KIAA0825: variants seen among roughly 807,000 people sequenced by gnomAD.
KIAA0825 encodes the protein uncharacterized protein KIAA0825.
A neutral mutation model predicts 147.6 loss-of-function variants in KIAA0825; 119 were observed. That is an observed-to-expected ratio of 0.81 (90% CI 0.69 to 0.94). The LOEUF (loss-of-function observed/expected upper bound fraction) is 0.94, where lower values mean the gene tolerates loss of function less well. Ranked by LOEUF, KIAA0825 falls within the 40% of genes least tolerant of loss-of-function variation. The pLI, the probability that KIAA0825 is intolerant of heterozygous loss-of-function variation, is 0.00. For missense variants in KIAA0825, 1,381 were observed against 1,472.7 expected (o/e 0.94, Z 1.02); for synonymous variants, 470 against 518.1 (o/e 0.91, Z 1.26).
chr5:94,426,317 C>T (rs1584459849), intron 14 of KIAA0825, among the ~76,000 whole-genome samples: 1 of 151,928 alleles, frequency 6.6e-6, no homozygotes, highest in East Asian at 1.9e-4. Flanking sequence ...AAGTGTCCAT[C>T]AAAAAATGAA....
chr5:94,340,044 T>C (rs1035320303), intron 20 of KIAA0825, among the ~76,000 whole-genome samples: 3 of 152,162 alleles, frequency 2.0e-5, no homozygotes, highest in African/African-American at 7.2e-5. Context: ...ACTATTCATA[T>C]TCTCCTTGAT....
At chr5:94,603,346 A>T (rs1461987393) in intron 1 of KIAA0825, among the ~76,000 whole-genome samples, 2 of 152,224 alleles carry the variant, frequency 1.3e-5, no homozygotes, top group Non-Finnish European at 2.9e-5. Context: ...ATGAAGGAGA[A>T]ATAAGATCAT....
chr5:94,319,959 T>C (rs1385272803), intron 20 of KIAA0825, among the ~76,000 whole-genome samples: 2 of 151,944 alleles, frequency 1.3e-5, no homozygotes, highest in Non-Finnish European at 2.9e-5. Context: ...GTCCTAAGGG[T>C]CTTCTTGTTC....
intron 20 of KIAA0825, among the ~76,000 whole-genome samples, chr5:94,353,818 G>A (rs369925050): frequency 1.3e-5 from 2 of 152,236 alleles, no homozygotes; most frequent in East Asian, 1.9e-4. Context: ...ATGAGGATAC[G>A]ATAATCAAAT....
chr5:94,373,897 CA>C (rs1308954651), intron 20 of KIAA0825, among the ~76,000 whole-genome samples: 2 of 152,016 alleles, frequency 1.3e-5, no homozygotes, highest in African/African-American at 4.8e-5. Flanking sequence ...GTTGCTATAG[CA>C]TCATAAGCAA....
chr5:94,241,386 G>A (rs575962674), intron 20 of KIAA0825, among the ~76,000 whole-genome samples: 1 of 152,104 alleles, frequency 6.6e-6, no homozygotes. Context: ...TTCACATCAC[G>A]ACAGGATCAA....
intron 7 of KIAA0825, among the ~76,000 whole-genome samples, chr5:94,475,639 C>A (rs755173532): frequency 2.0e-5 from 3 of 152,068 alleles, no homozygotes; most frequent in Non-Finnish European, 2.9e-5. Context: ...GAAACCCGGT[C>A]TCTACTGAAA....
At chr5:94,527,445 T>C (rs994687185) in intron 3 of KIAA0825, among the ~76,000 whole-genome samples, 5 of 152,056 alleles carry the variant, frequency 3.3e-5, no homozygotes, top group Non-Finnish European at 7.4e-5. Flanking sequence ...TTATGAGAAC[T>C]TTTTAAATAA....
intron 20 of KIAA0825, among the ~76,000 whole-genome samples, chr5:94,271,874 T>C (rs1777006492): frequency 6.6e-6 from 1 of 152,172 alleles, no homozygotes; most frequent in African/African-American, 2.4e-5. Flanking sequence ...CCCATGTTTA[T>C]TGCAGCATTA....
At chr5:94,443,097 C>T (rs1028398328) in intron 13 of KIAA0825, among the ~76,000 whole-genome samples, 2 of 152,118 alleles carry the variant, frequency 1.3e-5, no homozygotes, top group Non-Finnish European at 2.9e-5. Context: ...TGTTTGTTGA[C>T]ATGTACCTCA....
intron 20 of KIAA0825, among the ~76,000 whole-genome samples, chr5:94,276,049 A>C (rs1431366961): frequency 1.3e-5 from 2 of 152,146 alleles, no homozygotes; most frequent in Non-Finnish European, 2.9e-5. Context: ...AAATGGAATG[A>C]CATCTGCTGC....
intron 20 of KIAA0825, among the ~76,000 whole-genome samples, chr5:94,355,356 CT>C (rs1052310569): frequency 1.3e-5 from 2 of 152,104 alleles, no homozygotes; most frequent in Admixed American, 6.5e-5. Context: ...TTTGCAGGAC[CT>C]TTTCAAAATA....
Position 94,245,200 on chromosome 5 carries a change from A to G in KIAA0825, c.3711-91076T>C, listed in dbSNP as rs142701583. ...GCTTACCTTCCAATATTTGAATTCT[A>G]GATATGTATTTCAAGATAGTGAGGC... On this transcript the variant is annotated intron_variant, in intron 20 of 20. Coordinates refer to ENST00000682413, the MANE Select transcript of KIAA0825 (RefSeq NM_001145678.3). 1.1e-3 allele frequency among the ~76,000 whole-genome samples: 169 copies of G among 152,324 alleles called. 3 individuals are homozygous for G. In the East Asian group the frequency reaches 0.024, roughly 22 times the overall value.
At chr5:94,326,508 T>G (rs1369933003) in intron 20 of KIAA0825, among the ~76,000 whole-genome samples, 1 of 152,168 alleles carries the variant, frequency 6.6e-6, no homozygotes, top group Non-Finnish European at 1.5e-5. Flanking sequence ...GCCTGATTGA[T>G]CTCACTGACT....
chr5:94,156,461 A>T (rs972066610), intron 20 of KIAA0825, among the ~76,000 whole-genome samples: 2 of 152,220 alleles, frequency 1.3e-5, no homozygotes, highest in African/African-American at 4.8e-5. Context: ...GAGTAAATGA[A>T]TTATTTTATG....
At chr5:94,341,382 C>T (rs1280940950) in intron 20 of KIAA0825, among the ~76,000 whole-genome samples, 3 of 152,178 alleles carry the variant, frequency 2.0e-5, no homozygotes, top group Non-Finnish European at 4.4e-5. Context: ...AAAGGTTCTA[C>T]AAATTAGCTA....
At chr5:94,166,497 C>A (rs1338392701) in intron 20 of KIAA0825, among the ~76,000 whole-genome samples, 1 of 135,642 alleles carries the variant, frequency 7.4e-6, no homozygotes, top group Non-Finnish European at 1.6e-5. Context: ...TGTCCTTCCT[C>A]TTGGTTGTTT....
At chr5:94,167,706 TTTG>T (rs1226890335) in intron 20 of KIAA0825, among the ~76,000 whole-genome samples, 1 of 152,128 alleles carries the variant, frequency 6.6e-6, no homozygotes, top group Non-Finnish European at 1.5e-5. Context: ...ATATAATTTA[TTTG>T]TTCTACTTTA....
rs373910116 is a variant in KIAA0825 at position 94,412,765 on chromosome 5, A to G, written c.2662+4436T>C. On this transcript the variant is annotated intron_variant, in intron 15 of 20. Coordinates refer to ENST00000682413, the MANE Select transcript of KIAA0825 (RefSeq NM_001145678.3). The stretch of plus-strand genomic sequence containing the variant: ...CTAGCATTTCCACTTCTAAGTACTT[A>G]CTGAAGAGAAATGAAAACATACATA... 4.5e-4 allele frequency among the ~76,000 whole-genome samples: 69 copies of G among 152,242 alleles called. 2 individuals are homozygous for G. The South Asian group carries it at 0.013, about 30-fold the overall frequency.
Sources: gnomAD v4.1 joint callset for allele counts (sites outside exome capture counted in the v4.1 genomes callset) on GRCh38, gnomAD v4.1.1 for gene constraint, MANE v1.5 for transcripts, NCBI Gene and HGNC (gene_info 2026-07-23, HGNC 2026-07-21) for gene names.